Variants in RIN3 observed in about 807,000 individuals in gnomAD.
The protein encoded by RIN3 is Ras and Rab interactor 3.
A neutral mutation model predicts 76.3 loss-of-function variants in RIN3; 54 were observed. The observed-to-expected ratio is 0.71, with a 90% CI of 0.57 to 0.89. The LOEUF is 0.89. Among genes scored for constraint, RIN3 ranks in the 40% least tolerant of loss-of-function variants. RIN3 has a pLI of 0.00. For synonymous variants in RIN3, 576 were observed against 564.0 expected (o/e 1.02, Z -0.30); for missense variants, 1,256 against 1,322.1 (o/e 0.95, Z 0.78).
At chr14:92,558,671 C>T (rs939269511) in intron 2 of RIN3, among the ~76,000 whole-genome samples, 1 of 152,136 alleles carries the variant, frequency 6.6e-6, no homozygotes, top group Non-Finnish European at 1.5e-5. Context: ...GGTACATTGT[C>T]ATGAGAGTTA....
At chr14:92,614,693 C>T (rs1885880017) in intron 3 of RIN3, among the ~76,000 whole-genome samples, 1 of 151,808 alleles carries the variant, frequency 6.6e-6, no homozygotes, top group African/African-American at 2.4e-5. Context: ...ACCCCTTTCG[C>T]TTGTCTGTCA....
intron 7 of RIN3, among the ~76,000 whole-genome samples, chr14:92,661,505 C>G (rs1190957302): frequency 6.6e-6 from 1 of 152,034 alleles, no homozygotes; most frequent in Non-Finnish European, 1.5e-5. Context: ...GTGGGCGGAT[C>G]ACGAGGTCAG....
In RIN3 at chr14:92,676,482, C is replaced by T; in HGVS notation, c.2343C>T (p.Pro781=). 6.2e-7 allele frequency: 1 copy of T among 1,614,040 alleles called. No individual in the cohort carries two copies. Among genetic ancestry groups the T allele is most frequent in the East Asian group, 2.2e-5 (1 of 44,878 alleles). Residue 781 remains proline, a synonymous_variant, in exon 8 of 10, where the codon CCC becomes CCT. Transcript: ENST00000216487. ...CCTCCTTCTTCTTCCCAGGGAAGCC[C>T]TATGGGGCGGATGACTTCCTGCCTG... ...DSMALGNPGK[P]YGADDFLPVL...
intron 7 of RIN3, among the ~76,000 whole-genome samples, chr14:92,667,669 T>G (rs1412047698): frequency 6.6e-6 from 1 of 152,236 alleles, no homozygotes; most frequent in Non-Finnish European, 1.5e-5. Flanking sequence ...AAACATTTGC[T>G]GCTATAAACA....
chr14:92,562,705 G>A (rs539021385), intron 2 of RIN3, among the ~76,000 whole-genome samples: 42 of 152,032 alleles, frequency 2.8e-4, no homozygotes, highest in Admixed American at 1.8e-3. Flanking sequence ...GGAACATGTC[G>A]TTATTTCCTG....
Position 92,643,508 on chromosome 14 carries a change from T to C in RIN3, c.532+2179T>C, listed in dbSNP as rs147062156. On this transcript the variant is annotated intron_variant, in intron 5 of 9. Transcript: ENST00000216487. The surrounding 1 kb of genome is among the most constrained non-coding windows in gnomAD (Gnocchi z 4.8). ...TCCAACCCTCCCAGGATCTTGGATG[T>C]GGGACAGGTGACAGTTTTGTAATTT... Among the ~76,000 whole-genome samples, 599 of 152,360 alleles carry C rather than the reference T, an allele frequency of 3.9e-3. 2 individuals carry two copies. The highest frequency in any genetic ancestry group is 0.01 in the Middle Eastern group (3 of 294).
rs762343330 is a variant in RIN3 at position 92,659,351 on chromosome 14, G to A, written c.2217G>A (p.Met739Ile). The A allele has an allele frequency of 2.0e-5, 33 of 1,612,438 alleles. No individual in the cohort carries two copies. In the South Asian group the frequency reaches 3.4e-4, roughly 17 times the overall value. ...CCAGCGTGCCGGAGGTGCCCATGAT[G>A]GAGAAGATCCTGCAGAAGTTCACCA... ...VTTSVPEVPM[M>I]EKILQKFTSM... is the part of the protein sequence containing the mutation. Residue 739 changes from methionine to isoleucine, a missense_variant, in exon 7 of 10, where the codon ATG (methionine) becomes ATA (isoleucine). Coordinates refer to ENST00000216487, the MANE Select transcript of RIN3 (RefSeq NM_024832.5).
chr14:92,588,257 C>G (rs1476620488), intron 3 of RIN3, among the ~76,000 whole-genome samples: 1 of 104,660 alleles, frequency 9.6e-6, no homozygotes, highest in Non-Finnish European at 1.8e-5. Context: ...GATGGAGTTT[C>G]GCTCTTGTTG....
Position 92,513,909 on chromosome 14 carries a change from C to G in RIN3, c.-24C>G, listed in dbSNP as rs1896361417. The G allele has an allele frequency of 8.0e-7, 1 of 1,254,284 alleles. No individual in the cohort carries two copies. The highest frequency in any genetic ancestry group is 1.0e-6 in the Non-Finnish European group (1 of 999,546). The allele number at this position is 1,254,284 out of a possible 1,614,324, so 77.7% of individuals were successfully genotyped here. On this transcript the variant is annotated 5_prime_UTR_variant, in exon 1 of 10. Coordinates refer to ENST00000216487, the MANE Select transcript of RIN3 (RefSeq NM_024832.5). ...GGCCCGGCGCCTGAGCGCCTCCGTTCCCCGTCCCGGAGCTGCCGGCGGCAT... is the reference window on the plus strand; with the variant it reads ...GGCCCGGCGCCTGAGCGCCTCCGTTGCCCGTCCCGGAGCTGCCGGCGGCAT...
intron 3 of RIN3, among the ~76,000 whole-genome samples, chr14:92,579,557 A>G (rs941488225): frequency 2.6e-5 from 4 of 152,254 alleles, no homozygotes; most frequent in African/African-American, 9.6e-5. Context: ...AGAAGAATCT[A>G]TAGAATATTC....
At chr14:92,675,527 T>C (rs1400029686) in intron 7 of RIN3, among the ~76,000 whole-genome samples, 3 of 152,354 alleles carry the variant, frequency 2.0e-5, no homozygotes, top group East Asian at 3.9e-4. Context: ...CTGGAGACCT[T>C]TGCCTGAGCC....
chr14:92,513,853 A>C lies in RIN3; in HGVS notation c.-80A>C. 1 of 1,068,298 alleles carries C rather than the reference A, an allele frequency of 9.4e-7. No individual in the cohort carries two copies. Among genetic ancestry groups the C allele is most frequent in the Non-Finnish European group, 1.2e-6 (1 of 837,310 alleles). 66.2% of individuals were successfully genotyped at this position (1,068,298 alleles called of 1,614,324 possible). ...CTTCCAGAGGGCCAGAGCCAGGGAC[A>C]TGCGGGCGCCCGGGACTCCGCGTTC... On this transcript the variant is annotated 5_prime_UTR_variant, in exon 1 of 10. An upstream start codon of the reference 5' UTR is lost. Transcript: ENST00000216487.
intron 3 of RIN3, among the ~76,000 whole-genome samples, chr14:92,578,391 G>A (rs1364219028): frequency 6.6e-6 from 1 of 152,164 alleles, no homozygotes; most frequent in Non-Finnish European, 1.5e-5. Flanking sequence ...CCGGGTTTGG[G>A]GCCCTTGTGG....
intron 7 of RIN3, among the ~76,000 whole-genome samples, chr14:92,670,384 TC>T (rs928975553): frequency 1.3e-5 from 2 of 152,136 alleles, no homozygotes; most frequent in Non-Finnish European, 2.9e-5. Context: ...TGATCTCTGG[TC>T]CACCCAAGAC....
intron 1 of RIN3, among the ~76,000 whole-genome samples, chr14:92,525,264 C>T (rs971283054): frequency 6.6e-6 from 1 of 152,222 alleles, no homozygotes; most frequent in African/African-American, 2.4e-5. Context: ...AATGGGCGCT[C>T]GCCCCTGATG....
rs1235526774 is a variant in RIN3 at position 92,568,798 on chromosome 14, TG to T, written c.250-8561del. ...GAAGACAAGAGCCACATGAGAGCCC[TG>T]TGGCCATGCTGAAAGGGTGGGTGAT... On this transcript the variant is annotated intron_variant, in intron 2 of 9. Transcript: ENST00000216487. The surrounding 1 kb of genome is among the most constrained non-coding windows in gnomAD (Gnocchi z 4.2). Among the ~76,000 whole-genome samples, 2 of 152,220 alleles carry T rather than the reference TG, an allele frequency of 1.3e-5. No individual in the cohort carries two copies. The highest frequency in any genetic ancestry group is 2.9e-5 in the Non-Finnish European group (2 of 68,036).
intron 3 of RIN3, among the ~76,000 whole-genome samples, chr14:92,586,197 C>A (rs569268984): frequency 6.6e-6 from 1 of 152,302 alleles, no homozygotes; most frequent in Non-Finnish European, 1.5e-5. Context: ...AACTTTGTCT[C>A]CTGGATGAAA....
rs751195343 is a variant in RIN3, at chr14:92,555,754, G to T, written c.48G>T (p.Pro16=). 9 of 1,614,080 alleles carry T rather than the reference G, an allele frequency of 5.6e-6. No individual in the cohort carries two copies. The highest frequency in any genetic ancestry group is 7.6e-6 in the Non-Finnish European group (9 of 1,179,996). ...GAPARGDPTG[P]VPVVGKGEEE... ...ATCATTGAATTCTGTTTTTCAGTCCGGTTCCAGTTGTTGGCAAAGGAGAGG... is the reference window on the plus strand; with the variant it reads ...ATCATTGAATTCTGTTTTTCAGTCCTGTTCCAGTTGTTGGCAAAGGAGAGG... Residue 16 remains proline, a synonymous_variant, in exon 2 of 10, where the codon CCG becomes CCT. Transcript: ENST00000216487.
intron 7 of RIN3, among the ~76,000 whole-genome samples, chr14:92,673,569 A>G (rs1305278651): frequency 6.6e-6 from 1 of 151,570 alleles, no homozygotes; most frequent in Non-Finnish European, 1.5e-5. Context: ...GCAGTGGCAC[A>G]ATCTTGGCTC....
Sources: allele counts gnomAD v4.1 joint callset (sites outside exome capture counted in the v4.1 genomes callset), GRCh38; gene constraint gnomAD v4.1.1; non-coding constraint Gnocchi (gnomAD v3.1); transcripts MANE v1.5; gene names NCBI Gene and HGNC (gene_info 2026-07-23, HGNC 2026-07-21).